The following CD177 variants were observed in gnomAD, a reference collection of about 807,000 sequenced individuals.
The protein encoded by CD177 is CD177 molecule, also known as CD177 antigen.
A neutral mutation model predicts 38.1 loss-of-function variants in CD177; 41 were observed. The observed-to-expected ratio is 1.07, with a 90% CI of 0.84 to 1.39. The LOEUF (loss-of-function observed/expected upper bound fraction) is 1.39. CD177 is among the 40% of genes most tolerant of loss of function. CD177 has a pLI of 0.00. For missense variants in CD177, 619 were observed against 523.8 expected, an observed-to-expected ratio of 1.18 and a Z score of -1.77; for synonymous variants, 236 against 216.7, an observed-to-expected ratio of 1.09 and a Z score of -0.78.
chr19:43,362,325 A>T lies in CD177; in HGVS notation c.*5A>T. On this transcript the variant is annotated 3_prime_UTR_variant, in exon 9 of 9. Transcript: ENST00000618265. ...GTGGTTTGCCCTTCCTGCTAACTCT[A>T]TTACCCCCACGATTCTTCACCGCTG... The T allele has an allele frequency of 7.3e-7, 1 of 1,375,248 alleles. No homozygotes were observed. Among genetic ancestry groups the T allele is most frequent in the South Asian group, 1.2e-5 (1 of 80,428 alleles). 85.2% of individuals were successfully genotyped at this position (1,375,248 alleles called of 1,614,324 possible).
At position 43,362,302 on chromosome 19, in the gene CD177, G is replaced by T; in HGVS notation, c.1296G>T (p.Val432=). 1.3e-6 allele frequency: 2 copies of T among 1,544,470 alleles called. No individual in the cohort carries two copies. The highest frequency in any genetic ancestry group is 8.9e-7 in the Non-Finnish European group (1 of 1,123,818). ...LALAPALWWG[V]VCPSC ...TGGCCCCAGCGCTGTGGTGGGGAGT[G>T]GTTTGCCCTTCCTGCTAACTCTATT... Residue 432 remains valine (V), a synonymous_variant, in exon 9 of 9, where the codon GTG becomes GTT. Transcript: ENST00000618265.
In CD177 at chr19:43,361,155, C is replaced by T. The variant is rs1969956207; in HGVS notation, c.773C>T (p.Thr258Ile). ...CTCTCACCCTCAGGACTCACATCAA[C>T]CCTGGTGGGGACAAAAGGCTGCAGC... ...LLLLDVGLTSTLVGTKGCSTV... is the reference protein window; with the variant it reads ...LLLLDVGLTSILVGTKGCSTV... The change falls in exon 7 of 9, where the codon ACC (threonine) becomes ATC (isoleucine). Residue 258 changes from threonine to isoleucine, a missense_variant. Transcript: ENST00000618265. The T allele has an allele frequency of 2.0e-6, 3 of 1,525,162 alleles. No homozygotes were observed. In the South Asian group the frequency reaches 3.3e-5, roughly 17 times the overall value. The allele number at this position is 1,525,162 out of a possible 1,614,324, so 94.5% of individuals were successfully genotyped here.
rs1287754263 is a variant in CD177, at chr19:43,362,318, T to C, written c.1312T>C (p.Ter438GlnextTer24). The C allele has an allele frequency of 7.0e-6, 10 of 1,432,426 alleles. No homozygotes were observed. Among genetic ancestry groups the C allele is most frequent in the Non-Finnish European group, 9.7e-6 (10 of 1,029,376 alleles). The allele number at this position is 1,432,426 out of a possible 1,614,324, so 88.7% of individuals were successfully genotyped here. ...GTGGGGAGTGGTTTGCCCTTCCTGC[T>C]AACTCTATTACCCCCACGATTCTTC... Reference protein sequence around the residue: ...LWWGVVCPSC* With the variant: ...LWWGVVCPSCQ Residue 438 changes from the stop codon to glutamine, a stop_lost, in exon 9 of 9, where the codon TAA (stop) becomes CAA (glutamine). Coordinates refer to ENST00000618265, the MANE Select transcript of CD177 (RefSeq NM_020406.4).
intron 3 of CD177, 85 bp downstream of exon 3, chr19:43,354,477 C>A: frequency 2.8e-6 from 4 of 1,419,732 alleles, no homozygotes; most frequent in Non-Finnish European, 2.9e-6. Context: ...GGAGTCCCTC[C>A]CACCCTCGCT....
At chr19:43,360,650 G>A (rs1378809626) in intron 6 of CD177, 1 of 505,428 alleles carries the variant, frequency 2.0e-6, no homozygotes, top group Non-Finnish European at 3.5e-6. Flanking sequence ...TGCCCAGGGT[G>A]GAGAACCGTG....
intron 4 of CD177, 60 bp downstream of exon 4, chr19:43,355,843 T>C: frequency 6.2e-7 from 1 of 1,608,552 alleles, no homozygotes. Flanking sequence ...GGGACTGAGA[T>C]CTTAGGCTTT....
At chr19:43,354,727 TCTC>T (rs1417787222) in intron 3 of CD177, among the ~76,000 whole-genome samples, 3 of 152,242 alleles carry the variant, frequency 2.0e-5, no homozygotes, top group Admixed American at 2.0e-4. Context: ...TTCAAGAAGT[TCTC>T]CTGCAGGGTT....
rs1481526715 is a variant in CD177 at position 43,354,405 on chromosome 19, G to A, written c.379+13G>A. The A allele has an allele frequency of 1.9e-5, 31 of 1,613,390 alleles. No homozygotes were observed. The highest frequency in any genetic ancestry group is 5.0e-5 in the Admixed American group (3 of 59,996). On this transcript the variant is annotated intron_variant, in intron 3 of 8. Coordinates refer to ENST00000618265, the MANE Select transcript of CD177 (RefSeq NM_020406.4). ...CAGCCCCCAGCAGGTGCCTGCGGGA[G>A]GGTCGGGAGGAGAGGGAGGGGCTGC...
chr19:43,362,059 T>C, intron 8 of CD177, 29 bp from the exon 9 acceptor site: 1 of 1,598,364 alleles, frequency 6.3e-7, no homozygotes, highest in East Asian at 2.2e-5. Context: ...GTACTCTGTG[T>C]CCTTTCTGAC....
intron 3 of CD177, among the ~76,000 whole-genome samples, chr19:43,355,038 G>C (rs1220588368): frequency 7.1e-6 from 1 of 140,580 alleles, no homozygotes; most frequent in Non-Finnish European, 1.5e-5. Flanking sequence ...GCCTCAGCAG[G>C]CCCCTCCTCC....
Position 43,360,323 on chromosome 19 carries a change from A to C in CD177, c.678A>C (p.Glu226Asp). The C allele has an allele frequency of 6.2e-7, 1 of 1,613,062 alleles. No individual in the cohort carries two copies. Among genetic ancestry groups the C allele is most frequent in the Non-Finnish European group, 8.5e-7 (1 of 1,179,572 alleles). ...TIMTHGNLAQ[E>D]PTDWTTSNTE... Reference sequence around the variant, plus strand: ...TGACACACGGAAACTTGGCTCAAGAACCCACTGATTGGACCACATCGAATA... The same window carrying C: ...TGACACACGGAAACTTGGCTCAAGACCCCACTGATTGGACCACATCGAATA... The change falls in exon 6 of 9, where the codon GAA (glutamate) becomes GAC (aspartate). Residue 226 changes from glutamate to aspartate, a missense_variant. Transcript: ENST00000618265.
At position 43,362,489 on chromosome 19, in the gene CD177, G is replaced by A. The variant is rs1171252433; in HGVS notation, c.*169G>A. ...ACTCACCTAACAGCAACACTGGGGA[G>A]AGCCTGGAGCATCCGGACTTGCCCT... On this transcript the variant is annotated 3_prime_UTR_variant, in exon 9 of 9. Transcript: ENST00000618265. The A allele has an allele frequency of 5.7e-6, 3 of 525,702 alleles. No individual in the cohort carries two copies. The highest frequency in any genetic ancestry group is 1.9e-5 in the African/African-American group (1 of 52,258). The allele number at this position is 525,702 out of a possible 1,614,324, so 32.6% of individuals were successfully genotyped here.
chr19:43,354,441 T>C, intron 3 of CD177, 49 bp downstream of exon 3: 2 of 1,593,266 alleles, frequency 1.3e-6, no homozygotes, highest in Non-Finnish European at 1.7e-6. Context: ...TAGAAGGGGA[T>C]CCGCTGAGCA....
At position 43,360,353 on chromosome 19, in the gene CD177, G is replaced by T. The variant is rs1263072141; in HGVS notation, c.708G>T (p.Glu236Asp). ...EPTDWTTSNT[E>D]MCEVGQVCQE... Reference sequence around the variant, plus strand: ...CTGATTGGACCACATCGAATACCGAGATGTGCGAGGTGGGGCAGGTGTGTC... The same window carrying T: ...CTGATTGGACCACATCGAATACCGATATGTGCGAGGTGGGGCAGGTGTGTC... Residue 236 changes from glutamate (E) to aspartate (D), a missense_variant, in exon 6 of 9, where the codon GAG becomes GAT. Glu to Asp is a conservative substitution (Grantham distance 45). Coordinates refer to ENST00000618265, the MANE Select transcript of CD177 (RefSeq NM_020406.4). 6 of 1,611,128 alleles carry T rather than the reference G, an allele frequency of 3.7e-6. No individual in the cohort carries two copies. The Admixed American group carries it at 8.4e-5, about 23-fold the overall frequency.
At position 43,355,104 on chromosome 19, in the gene CD177, C is replaced by CTTTTTTTTT. The variant is rs1156547437; in HGVS notation, c.380-540_380-532dup. On this transcript the variant is annotated intron_variant, in intron 3 of 8. Coordinates refer to ENST00000618265, the MANE Select transcript of CD177 (RefSeq NM_020406.4). Reference sequence around the variant, plus strand: ...CCCAAGACACCCCCCCTTTTCTTTTCTTTTTTTTTTTTTTTTTTTTTTTTT... The same window carrying CTTTTTTTTT: ...CCCAAGACACCCCCCCTTTTCTTTTCTTTTTTTTTTTTTTTTTTTTTTTTTTTTTTTTTT... Among the ~76,000 whole-genome samples, 17 of 26,824 alleles carry CTTTTTTTTT rather than the reference C, an allele frequency of 6.3e-4. 4 individuals are homozygous for CTTTTTTTTT. In the East Asian group the frequency reaches 7.5e-3, roughly 12 times the overall value. The allele number at this position is 26,824 out of a possible 152,430, so 17.6% of individuals were successfully genotyped here. A position where few individuals can be genotyped will look rare whatever the true frequency, so the allele number is the denominator to read the frequency against.
chr19:43,353,989 G>C lies in CD177; in HGVS notation c.189G>C (p.Glu63Asp), dbSNP rs766634373. The change falls in exon 2 of 9, where the codon GAG becomes GAC. Residue 63 changes from glutamate to aspartate, a missense_variant. Glu to Asp is a conservative substitution (Grantham distance 45, BLOSUM62 2). Coordinates refer to ENST00000618265, the MANE Select transcript of CD177 (RefSeq NM_020406.4). Reference protein sequence around the residue: ...LGCQDTLMLIESGPQVSLVLS... With the variant: ...LGCQDTLMLIDSGPQVSLVLS... ...GCCAGGACACGTTGATGCTCATTGAGAGCGGTGAGAAGGCCCTGGCGTGCA... is the reference window on the plus strand; with the variant it reads ...GCCAGGACACGTTGATGCTCATTGACAGCGGTGAGAAGGCCCTGGCGTGCA... 1.2e-6 allele frequency: 2 copies of C among 1,613,520 alleles called. No individual in the cohort carries two copies. The highest frequency in any genetic ancestry group is 2.2e-5 in the East Asian group (1 of 44,874).
At chr19:43,360,924 G>A (rs1196404352) in intron 6 of CD177, 57 of 610,920 alleles carry the variant, frequency 9.3e-5, no homozygotes, top group Non-Finnish European at 1.5e-4. Context: ...TCATGGAGAA[G>A]GTGACCTTTG....
At chr19:43,354,503 C>A in intron 3 of CD177, 111 bp downstream of exon 3, 1 of 1,137,684 alleles carries the variant, frequency 8.8e-7, no homozygotes, top group Non-Finnish European at 1.3e-6. Context: ...TCCCGACCCT[C>A]GCTGGCTCCA....
Position 43,353,843 on chromosome 19 carries a change from GC to G in CD177, c.53-8del, listed in dbSNP as rs773339261. On this transcript the variant is annotated splice_polypyrimidine_tract_variant and intron_variant, in intron 1 of 8. Coordinates refer to ENST00000618265, the MANE Select transcript of CD177 (RefSeq NM_020406.4). Reference sequence around the variant, plus strand: ...ACCCTGCTGAGATGGATTTGCTCTTGCCACTCCAGGAGTGCAGGCGCTGCTC... The same window carrying G: ...ACCCTGCTGAGATGGATTTGCTCTTGCACTCCAGGAGTGCAGGCGCTGCTC... 1 of 1,613,844 alleles carries G rather than the reference GC, an allele frequency of 6.2e-7. No homozygotes were observed. Among genetic ancestry groups the G allele is most frequent in the South Asian group, 1.1e-5 (1 of 91,082 alleles).
Sources: gnomAD v4.1 joint callset for allele counts (sites outside exome capture counted in the v4.1 genomes callset) on GRCh38, gnomAD v4.1.1 for gene constraint, MANE v1.5 for transcripts, NCBI Gene and HGNC (gene_info 2026-07-23, HGNC 2026-07-21) for gene names.